PPP1R9A: variants seen among roughly 807,000 people sequenced by gnomAD.
PPP1R9A encodes protein phosphatase 1 regulatory subunit 9A.
In PPP1R9A, 59 loss-of-function variants were observed where a neutral mutation model predicts 141.9. The observed-to-expected ratio is 0.42, with a 90% CI of 0.34 to 0.52. The LOEUF (loss-of-function observed/expected upper bound fraction) is 0.52, where lower values mean the gene tolerates loss of function less well. PPP1R9A is among the 20% of genes least tolerant of loss of function. The pLI is 0.10. For missense variants in PPP1R9A, 1,444 were observed against 1,611.9 expected, an observed-to-expected ratio of 0.90 and a Z score of 1.78; for synonymous variants, 500 against 569.7, an observed-to-expected ratio of 0.88 and a Z score of 1.74.
intron 5 of PPP1R9A, among the ~76,000 whole-genome samples, chr7:95,165,027 T>G (rs1831034315): frequency 6.6e-6 from 1 of 152,186 alleles, no homozygotes; most frequent in Non-Finnish European, 1.5e-5. Context: ...AATTGGCTGC[T>G]TCTACCTTAT....
intron 2 of PPP1R9A, 35 bp from the exon 3 acceptor site, chr7:95,111,224 T>TC: frequency 6.5e-7 from 1 of 1,527,088 alleles, no homozygotes; most frequent in Non-Finnish European, 8.8e-7. Flanking sequence ...TTTTTTTTTT[T>TC]TCTGTATTAT....
At chr7:94,945,112 G>A (rs1319962327) in intron 2 of PPP1R9A, among the ~76,000 whole-genome samples, 1 of 151,890 alleles carries the variant, frequency 6.6e-6, no homozygotes, top group Non-Finnish European at 1.5e-5. Context: ...TTATATGCCT[G>A]TATATATGAT....
chr7:94,941,423 C>G (rs1040669460), intron 2 of PPP1R9A, among the ~76,000 whole-genome samples: 8 of 152,102 alleles, frequency 5.3e-5, no homozygotes, highest in Non-Finnish European at 8.8e-5. Flanking sequence ...ATCTTTATCC[C>G]TGGTAAGTGG....
At chr7:95,076,750 G>C (rs1222516049) in intron 2 of PPP1R9A, among the ~76,000 whole-genome samples, 2 of 151,948 alleles carry the variant, frequency 1.3e-5, no homozygotes, top group East Asian at 3.8e-4. Context: ...ACCTTAAATA[G>C]AACTTAATTC....
intron 2 of PPP1R9A, among the ~76,000 whole-genome samples, chr7:94,991,479 T>C (rs780516585): frequency 2.0e-5 from 3 of 152,134 alleles, no homozygotes; most frequent in Non-Finnish European, 4.4e-5. Flanking sequence ...CAACATGTTA[T>C]CTCTTCACTC....
chr7:94,979,563 A>G (rs1343846469), intron 2 of PPP1R9A, among the ~76,000 whole-genome samples: 1 of 152,224 alleles, frequency 6.6e-6, no homozygotes, highest in African/African-American at 2.4e-5. Flanking sequence ...AGTTTTTTAG[A>G]AAGCTGTTTT....
rs1795110795 is a variant in PPP1R9A at position 95,226,075 on chromosome 7, T to A, written c.2071T>A (p.Ser691Thr). 2 of 1,613,538 alleles carry A rather than the reference T, an allele frequency of 1.2e-6. No individual in the cohort carries two copies. The highest frequency in any genetic ancestry group is 4.5e-5 in the East Asian group (2 of 44,848). ...LPENEDMFSP[S>T]ELDTSKLSHK... Reference sequence around the variant, plus strand: ...TGAGAATGAGGACATGTTTTCCCCATCAGAACTGGACACAAGCAAGCTCAG... The same window carrying A: ...TGAGAATGAGGACATGTTTTCCCCAACAGAACTGGACACAAGCAAGCTCAG... The change falls in exon 8 of 20, where the codon TCA becomes ACA. Residue 691 changes from serine (S) to threonine (T), a missense_variant. Coordinates refer to ENST00000433360, the MANE Select transcript of PPP1R9A (RefSeq NM_001166160.2).
rs961300703 is a variant in PPP1R9A, at chr7:95,204,568, G to T, written c.1956+838G>T. Among the ~76,000 whole-genome samples, 6 of 151,408 alleles carry T rather than the reference G, an allele frequency of 4.0e-5. No individual in the cohort carries two copies. The South Asian group carries it at 8.3e-4, about 21-fold the overall frequency. On this transcript the variant is annotated intron_variant, in intron 7 of 19. Coordinates refer to ENST00000433360, the MANE Select transcript of PPP1R9A (RefSeq NM_001166160.2). ...TAAGACCCTATCCATATGTGCACTG[G>T]CCTAAGTAGTGTATACACATGCTTA... is the stretch of plus-strand genomic sequence containing the variant.
intron 12 of PPP1R9A, among the ~76,000 whole-genome samples, chr7:95,264,755 C>G (rs556669574): frequency 9.2e-5 from 14 of 152,132 alleles, no homozygotes; most frequent in Admixed American, 7.2e-4. Flanking sequence ...TGCATTGCGT[C>G]AGAGGTAGGC....
chr7:95,278,280 T>G (rs912325851), intron 16 of PPP1R9A, among the ~76,000 whole-genome samples: 1 of 152,170 alleles, frequency 6.6e-6, no homozygotes, highest in Non-Finnish European at 1.5e-5. Flanking sequence ...TATTGGGATA[T>G]GTGTAGGAGA....
At chr7:95,175,748 GA>G (rs1212286584) in intron 5 of PPP1R9A, among the ~76,000 whole-genome samples, 1 of 152,046 alleles carries the variant, frequency 6.6e-6, no homozygotes, top group Non-Finnish European at 1.5e-5. Flanking sequence ...TGCTACCCAT[GA>G]TCAATAACTA....
At chr7:95,188,423 A>AT (rs544502488) in intron 5 of PPP1R9A, among the ~76,000 whole-genome samples, 95 of 152,070 alleles carry the variant, frequency 6.2e-4, no homozygotes, top group African/African-American at 2.2e-3. Context: ...TGGTTGGTGG[A>AT]TTTTTAATCC....
At chr7:94,974,228 G>A (rs1421444326) in intron 2 of PPP1R9A, among the ~76,000 whole-genome samples, 3 of 152,106 alleles carry the variant, frequency 2.0e-5, no homozygotes, top group Non-Finnish European at 4.4e-5. Context: ...TTCTGATTTT[G>A]GCAGGTTGGG....
intron 2 of PPP1R9A, among the ~76,000 whole-genome samples, chr7:94,982,721 A>AT (rs1414828843): frequency 6.6e-6 from 1 of 152,156 alleles, no homozygotes; most frequent in Non-Finnish European, 1.5e-5. Context: ...GATTCTGGAT[A>AT]TTAGCCCTTT....
intron 4 of PPP1R9A, among the ~76,000 whole-genome samples, chr7:95,154,197 GT>G (rs1398186892): frequency 6.6e-6 from 1 of 151,240 alleles, no homozygotes; most frequent in Non-Finnish European, 1.5e-5. Context: ...TCTACCATAG[GT>G]TTTGGTAAGT....
rs577041273 is a variant in PPP1R9A at position 95,227,371 on chromosome 7, G to T, written c.2112+1255G>T. Reference sequence around the variant, plus strand: ...TCCACATTCTTTTATGGGAGGTGAAGAGCCTACAGGGCACAGATAATATAT... The same window carrying T: ...TCCACATTCTTTTATGGGAGGTGAATAGCCTACAGGGCACAGATAATATAT... On this transcript the variant is annotated intron_variant, in intron 8 of 19. Coordinates refer to ENST00000433360, the MANE Select transcript of PPP1R9A (RefSeq NM_001166160.2). 4.5e-4 allele frequency among the ~76,000 whole-genome samples: 69 copies of T among 152,246 alleles called. 1 individual carries two copies. In the South Asian group the frequency reaches 0.013, roughly 28 times the overall value.
chr7:94,962,352 A>C (rs1201694668), intron 2 of PPP1R9A, among the ~76,000 whole-genome samples: 1 of 151,932 alleles, frequency 6.6e-6, no homozygotes, highest in Non-Finnish European at 1.5e-5. Context: ...TGATAAAGCA[A>C]AGTTCTCATA....
At chr7:95,202,590 A>G in intron 6 of PPP1R9A, 3 of 912,022 alleles carry the variant, frequency 3.3e-6, no homozygotes, top group African/African-American at 1.8e-5. Flanking sequence ...GAGGATTTCA[A>G]TAAATCTCTC....
chr7:95,282,579 A>G (rs890077257), intron 16 of PPP1R9A, among the ~76,000 whole-genome samples: 4 of 152,178 alleles, frequency 2.6e-5, no homozygotes, highest in Admixed American at 2.0e-4. Context: ...AATTTACATT[A>G]AGGAGATAAG....
Sources: allele counts gnomAD v4.1 joint callset (sites outside exome capture counted in the v4.1 genomes callset), GRCh38; gene constraint gnomAD v4.1.1; transcripts MANE v1.5; gene names NCBI Gene and HGNC (gene_info 2026-07-23, HGNC 2026-07-21).